Variants in RORA observed in about 807,000 individuals in gnomAD.
RORA encodes nuclear receptor ROR-alpha.
Under a neutral mutation model 69.5 loss-of-function variants are expected in RORA, and 7 were observed. That is an observed-to-expected ratio of 0.10 (90% confidence interval 0.06 to 0.19). The LOEUF (loss-of-function observed/expected upper bound fraction) is 0.19. Ranked by LOEUF, RORA falls within the 10% of genes least tolerant of loss-of-function variation. The probability of loss-of-function intolerance (pLI) is 1.00; values close to 1 mark genes in which losing one functional copy is unlikely to be tolerated. For synonymous variants in RORA, 261 were observed against 240.8 expected (o/e 1.08, Z -0.78); for missense variants, 457 against 663.0 (o/e 0.69, Z 3.41).
intron 2 of RORA, among the ~76,000 whole-genome samples, chr15:60,605,223 CAA>C (rs71888612): frequency 9.3e-5 from 14 of 149,992 alleles, no homozygotes; most frequent in African/African-American, 2.7e-4. Flanking sequence ...TACTCCATTT[CAA>C]AAAAAAAAAT....
At chr15:60,939,382 G>A (rs1023892585) in intron 1 of RORA, among the ~76,000 whole-genome samples, 2 of 152,106 alleles carry the variant, frequency 1.3e-5, no homozygotes, top group Admixed American at 6.5e-5. Flanking sequence ...GTCATCAGAG[G>A]CTTCATTTTG....
rs1002298507 is a variant in RORA, at chr15:60,490,239, G to T, written c.*7216C>A. 1 of 151,600 alleles carries T rather than the reference G, an allele frequency of 6.6e-6. No homozygotes were observed. Among genetic ancestry groups the T allele is most frequent in the Admixed American group, 6.6e-5 (1 of 15,188 alleles). The allele number at this position is 151,600 out of a possible 1,614,324, so 9.4% of individuals were successfully genotyped here. A position where few individuals can be genotyped will look rare whatever the true frequency, so the allele number is the denominator to read the frequency against. ...AAGACCCAAAGGTGGTATTGTCTAG[G>T]AATAAAAGGGATAATTTTTGTTGTT... On this transcript the variant is annotated 3_prime_UTR_variant, in exon 11 of 11. Transcript: ENST00000335670. The surrounding 1 kb of genome is among the most constrained non-coding windows in gnomAD (Gnocchi z 4.1).
At chr15:60,802,616 T>C (rs1180644603) in intron 1 of RORA, among the ~76,000 whole-genome samples, 8 of 152,190 alleles carry the variant, frequency 5.3e-5, no homozygotes, top group Admixed American at 5.2e-4. Context: ...TGTGTATGTG[T>C]ATACGTGGGG....
chr15:61,090,433 T>C (rs1398832710), intron 1 of RORA, among the ~76,000 whole-genome samples: 3 of 152,200 alleles, frequency 2.0e-5, no homozygotes, highest in Non-Finnish European at 4.4e-5. Context: ...CCCCAGCCTC[T>C]ATTGGAGATC....
chr15:60,969,366 T>G (rs147538918), intron 1 of RORA, among the ~76,000 whole-genome samples: 1 of 152,390 alleles, frequency 6.6e-6, no homozygotes, highest in East Asian at 1.9e-4. Context: ...CTATCATTAT[T>G]TCTTTGAGAC....
intron 1 of RORA, among the ~76,000 whole-genome samples, chr15:60,849,767 C>T: frequency 6.6e-6 from 1 of 152,134 alleles, no homozygotes; most frequent in Admixed American, 6.5e-5. Flanking sequence ...TGGGAAGAAA[C>T]ATGTACACAA....
intron 1 of RORA, among the ~76,000 whole-genome samples, chr15:60,748,182 T>TTAAG (rs1340991142): frequency 6.6e-6 from 1 of 152,176 alleles, no homozygotes; most frequent in Admixed American, 6.5e-5. Context: ...TTAAAATATT[T>TTAAG]TAAGTATGGA....
chr15:61,227,926 C>G (rs561694955), intron 1 of RORA, among the ~76,000 whole-genome samples: 1 of 152,300 alleles, frequency 6.6e-6, no homozygotes, highest in Non-Finnish European at 1.5e-5. Context: ...CCCCCACTCT[C>G]GAGAAAAACA....
rs577159051 is a variant in RORA at position 60,532,389 on chromosome 15, C to A, written c.197-538G>T. Among the ~76,000 whole-genome samples, 5 of 152,198 alleles carry A rather than the reference C, an allele frequency of 3.3e-5. No individual in the cohort carries two copies. In the East Asian group the frequency reaches 9.6e-4, roughly 29 times the overall value. On this transcript the variant is annotated intron_variant, in intron 2 of 10. Coordinates refer to ENST00000335670, the MANE Select transcript of RORA (RefSeq NM_134261.3). ...CAGTTGCCATGTGTTAAAAATTAGT[C>A]CATTTGTGTACAATCAGAACCTTTC...
chr15:60,844,431 C>T (rs991901140), intron 1 of RORA, among the ~76,000 whole-genome samples: 3 of 152,014 alleles, frequency 2.0e-5, no homozygotes, highest in East Asian at 3.9e-4. Flanking sequence ...GTCGTTTGCC[C>T]CTAAGAGTAT....
intron 1 of RORA, among the ~76,000 whole-genome samples, chr15:60,744,563 T>A (rs1056565636): frequency 6.6e-6 from 1 of 152,192 alleles, no homozygotes; most frequent in East Asian, 1.9e-4. Context: ...CTGAGTTCAG[T>A]GTCCTCACCA....
At chr15:61,144,391 G>C (rs1348892745) in intron 1 of RORA, among the ~76,000 whole-genome samples, 3 of 152,252 alleles carry the variant, frequency 2.0e-5, no homozygotes, top group African/African-American at 7.2e-5. Flanking sequence ...GACTTGGCCA[G>C]GGGAGTGTGT....
At chr15:61,202,128 C>A (rs1215178644) in intron 1 of RORA, among the ~76,000 whole-genome samples, 1 of 152,038 alleles carries the variant, frequency 6.6e-6, no homozygotes, top group Non-Finnish European at 1.5e-5. Flanking sequence ...CTGCCTTAGC[C>A]TCCCAAGTTG....
chr15:60,908,977 C>T (rs1238996033), intron 1 of RORA, among the ~76,000 whole-genome samples: 3 of 151,974 alleles, frequency 2.0e-5, no homozygotes, highest in Non-Finnish European at 4.4e-5. Flanking sequence ...GCATTTCTCC[C>T]TCAGTGGCTA....
intron 2 of RORA, among the ~76,000 whole-genome samples, chr15:60,655,431 A>G (rs1235627701): frequency 2.0e-5 from 3 of 152,186 alleles, no homozygotes; most frequent in Admixed American, 6.6e-5. Context: ...TTAGCGGCCA[A>G]TTGCTTTAAG....
chr15:60,786,817 C>G (rs959987222), intron 1 of RORA, among the ~76,000 whole-genome samples: 11 of 152,250 alleles, frequency 7.2e-5, no homozygotes, highest in Non-Finnish European at 1.5e-4. Flanking sequence ...GGATCCACAC[C>G]TCACTCAGCA....
At chr15:61,032,301 TGAA>T (rs1365474895) in intron 1 of RORA, among the ~76,000 whole-genome samples, 1 of 152,186 alleles carries the variant, frequency 6.6e-6, no homozygotes, top group Non-Finnish European at 1.5e-5. Context: ...AGTGTTGAAC[TGAA>T]GAAGAATGGT....
intron 1 of RORA, among the ~76,000 whole-genome samples, chr15:61,136,477 C>CT (rs1250254766): frequency 6.6e-6 from 1 of 152,084 alleles, no homozygotes; most frequent in Non-Finnish European, 1.5e-5. Flanking sequence ...CATTTAAGTC[C>CT]TTTTTTTCTT....
At chr15:60,843,938 T>A (rs920101477) in intron 1 of RORA, among the ~76,000 whole-genome samples, 1 of 152,186 alleles carries the variant, frequency 6.6e-6, no homozygotes, top group Non-Finnish European at 1.5e-5. Context: ...CTCACCCTAA[T>A]ATACCTACTC....
Sources: gnomAD v4.1 joint callset for allele counts (sites outside exome capture counted in the v4.1 genomes callset) on GRCh38, gnomAD v4.1.1 for gene constraint, Gnocchi (gnomAD v3.1) non-coding constraint, MANE v1.5 for transcripts, NCBI Gene and HGNC (gene_info 2026-07-23, HGNC 2026-07-21) for gene names.